Variants in FAT3 observed in about 807,000 individuals in gnomAD.
FAT3 encodes the protein FAT atypical cadherin 3, also known as protocadherin Fat 3.
In FAT3, 95 loss-of-function variants were observed where a neutral mutation model predicts 310.2. That is an observed-to-expected ratio of 0.31 (90% CI 0.26 to 0.36). The LOEUF is 0.36. Ranked by LOEUF, FAT3 falls within the 10% of genes least tolerant of loss-of-function variation. FAT3 has a pLI of 1.00. For synonymous variants in FAT3, 2,314 were observed against 2,192.9 expected (o/e 1.06, Z -1.54); for missense variants, 5,408 against 5,715.6 (o/e 0.95, Z 1.74).
chr11:92,743,957 C>T (rs1373824341), intron 4 of FAT3, among the ~76,000 whole-genome samples: 2 of 152,134 alleles, frequency 1.3e-5, no homozygotes, highest in Admixed American at 1.3e-4. Flanking sequence ...CAGATGCATC[C>T]CTCAACCTTG....
At chr11:92,524,581 A>G in intron 2 of FAT3, 53 bp from the exon 3 acceptor site, 1 of 1,538,214 alleles carries the variant, frequency 6.5e-7, no homozygotes, top group Admixed American at 1.9e-5. Flanking sequence ...GAGATTATTT[A>G]TTTAATGTCT....
At position 92,757,863 on chromosome 11, in the gene FAT3, C is replaced by T. The variant is rs539558576; in HGVS notation, c.3670-3993C>T. 2.0e-5 allele frequency among the ~76,000 whole-genome samples: 3 copies of T among 152,266 alleles called. No homozygotes were observed. In the East Asian group the frequency reaches 5.8e-4, roughly 29 times the overall value. ...TCATTTCAGGAGACTGGATGAATGT[C>T]CACAAAAGTGAGCACAGTTTGAGGA... On this transcript the variant is annotated intron_variant, in intron 4 of 27. Coordinates refer to ENST00000525166, the MANE Select transcript of FAT3 (RefSeq NM_001367949.2).
intron 12 of FAT3, among the ~76,000 whole-genome samples, chr11:92,808,239 A>G (rs1364571971): frequency 6.6e-6 from 1 of 152,252 alleles, no homozygotes; most frequent in Non-Finnish European, 1.5e-5. Flanking sequence ...TTAACCAATA[A>G]TAACAATCAA....
intron 2 of FAT3, among the ~76,000 whole-genome samples, chr11:92,501,080 A>T (rs952779361): frequency 6.6e-6 from 1 of 152,024 alleles, no homozygotes; most frequent in African/African-American, 2.4e-5. Context: ...ACAAGAAGGA[A>T]TTGCTCCAAA....
chr11:92,682,510 G>T (rs1943509051), intron 3 of FAT3, among the ~76,000 whole-genome samples: 1 of 152,196 alleles, frequency 6.6e-6, no homozygotes, highest in African/African-American at 2.4e-5. Context: ...AACATTGGAT[G>T]CAGAGCCAAC....
chr11:92,762,581 T>G (rs886068598), intron 5 of FAT3, among the ~76,000 whole-genome samples: 1 of 152,184 alleles, frequency 6.6e-6, no homozygotes, highest in Non-Finnish European at 1.5e-5. Context: ...AAAACAACTT[T>G]TGAAATTATC....
At chr11:92,824,903 A>G (rs1948064596) in intron 13 of FAT3, among the ~76,000 whole-genome samples, 1 of 152,128 alleles carries the variant, frequency 6.6e-6, no homozygotes, top group African/African-American at 2.4e-5. Flanking sequence ...GACATTGTAC[A>G]TAGTATTCTA....
chr11:92,887,065 G>A lies in FAT3; in HGVS notation c.13003G>A (p.Glu4335Lys). 1.2e-6 allele frequency: 2 copies of A among 1,612,054 alleles called. No homozygotes were observed. The highest frequency in any genetic ancestry group is 1.7e-6 in the Non-Finnish European group (2 of 1,179,272). ...FAGSNKGSNSEVQSLSSFQSD... is the reference protein window; with the variant it reads ...FAGSNKGSNSKVQSLSSFQSD... ...AGGTAGTAATAAAGGCAGCAACTCT[G>A]AAGTTCAGTCCCTCAGCTCCTTCCA... is the stretch of plus-strand genomic sequence containing the variant. Residue 4335 changes from glutamate (E) to lysine (K), a missense_variant, in exon 25 of 28, where the codon GAA becomes AAA. Glu to Lys is a moderately conservative substitution (Grantham distance 56). Around this residue, in one of 5 missense-constraint regions of FAT3, gnomAD observed 649 missense variants for 666.2 expected, o/e 0.97. Coordinates refer to ENST00000525166, the MANE Select transcript of FAT3 (RefSeq NM_001367949.2).
At chr11:92,737,546 TGAGAGA>T (rs150817569) in intron 4 of FAT3, among the ~76,000 whole-genome samples, 2 of 150,642 alleles carry the variant, frequency 1.3e-5, no homozygotes, top group African/African-American at 2.4e-5. Context: ...TCTGTGTGTG[TGAGAGA>T]GAGAGAGAGG....
chr11:92,537,234 G>A (rs1954290990), intron 3 of FAT3, among the ~76,000 whole-genome samples: 1 of 152,090 alleles, frequency 6.6e-6, no homozygotes, highest in South Asian at 2.1e-4. Flanking sequence ...CAGTCTTTGA[G>A]TCTATATATG....
At chr11:92,624,880 T>C (rs1941254744) in intron 3 of FAT3, among the ~76,000 whole-genome samples, 1 of 152,368 alleles carries the variant, frequency 6.6e-6, no homozygotes. Flanking sequence ...TGTTCAAAGC[T>C]GCTCTTCTTG....
chr11:92,279,134 G>A (rs1946355942), intron 1 of FAT3, among the ~76,000 whole-genome samples: 2 of 152,114 alleles, frequency 1.3e-5, no homozygotes, highest in Admixed American at 1.3e-4. Context: ...TTTTATCTAA[G>A]ACTTTATAAG....
chr11:92,227,990 A>G (rs76753564), intron 1 of FAT3, among the ~76,000 whole-genome samples: 5,836 of 152,202 alleles, frequency 0.038, 328 homozygotes, highest in African/African-American at 0.12. Context: ...TTGATATTCA[A>G]TCATGAATCT....
intron 1 of FAT3, among the ~76,000 whole-genome samples, chr11:92,274,625 T>C (rs974575603): frequency 1.3e-5 from 2 of 152,124 alleles, no homozygotes; most frequent in Admixed American, 6.6e-5. Flanking sequence ...TGTACAGATA[T>C]TTTTAAACCT....
At chr11:92,862,600 A>G (rs1482135579) in intron 21 of FAT3, among the ~76,000 whole-genome samples, 1 of 152,184 alleles carries the variant, frequency 6.6e-6, no homozygotes, top group Non-Finnish European at 1.5e-5. Flanking sequence ...GGGAAAGCTC[A>G]TTTGGTTTGT....
chr11:92,235,853 C>G lies in FAT3; in HGVS notation c.-18+10679C>G, dbSNP rs1396052277. Among the ~76,000 whole-genome samples, 3 of 152,124 alleles carry G rather than the reference C, an allele frequency of 2.0e-5. No individual in the cohort carries two copies. The East Asian group carries it at 5.8e-4, about 29-fold the overall frequency. ...CATCAAGAGGGCATGTTGGATGCATCCAGGTGTCCAGCCGCCTTTCAGTAG... is the reference window on the plus strand; with the variant it reads ...CATCAAGAGGGCATGTTGGATGCATGCAGGTGTCCAGCCGCCTTTCAGTAG... On this transcript the variant is annotated intron_variant, in intron 1 of 27. Transcript: ENST00000525166.
At chr11:92,251,565 C>A (rs1865143664) in intron 1 of FAT3, among the ~76,000 whole-genome samples, 1 of 152,056 alleles carries the variant, frequency 6.6e-6, no homozygotes, top group African/African-American at 2.4e-5. Context: ...CCTTTCACTT[C>A]TCCAATAATA....
chr11:92,267,777 C>T (rs1946011066), intron 1 of FAT3, among the ~76,000 whole-genome samples: 1 of 152,094 alleles, frequency 6.6e-6, no homozygotes, highest in Non-Finnish European at 1.5e-5. Context: ...TTTGCTGATA[C>T]TCTTTTCCTA....
At chr11:92,711,915 A>T (rs779205774) in intron 4 of FAT3, among the ~76,000 whole-genome samples, 5 of 152,226 alleles carry the variant, frequency 3.3e-5, no homozygotes, top group Non-Finnish European at 5.9e-5. Context: ...TTTTCACAAA[A>T]GTACAAATAA....
Sources: allele counts gnomAD v4.1 joint callset (sites outside exome capture counted in the v4.1 genomes callset), GRCh38; gene constraint gnomAD v4.1.1; regional missense constraint gnomAD v4.1.1; transcripts MANE v1.5; gene names NCBI Gene and HGNC (gene_info 2026-07-23, HGNC 2026-07-21).